The following COLQ variants were observed in gnomAD, a reference collection of about 807,000 sequenced individuals.
COLQ encodes acetylcholinesterase collagenic tail peptide.
COLQ carries 48 observed loss-of-function variants against 69.0 expected under a neutral mutation model. The observed-to-expected ratio is 0.70, with a 90% CI of 0.55 to 0.88. The LOEUF is 0.88. COLQ is among the 40% of genes least tolerant of loss of function. The pLI is 0.00. For synonymous variants in COLQ, 217 were observed against 211.2 expected (o/e 1.03, Z -0.24); for missense variants, 618 against 594.6 (o/e 1.04, Z -0.41).
Position 15,455,916 on chromosome 3 carries a change from A to G in COLQ, c.1178T>C (p.Val393Ala). The change falls in exon 15 of 17, where the codon GTG becomes GCG. Residue 393 changes from valine to alanine, a missense_variant. By Grantham distance (64) the Val-to-Ala change is moderately conservative. Transcript: ENST00000383788. ...GEECDDGNSD[V>A]GDDCIRCHRA... ...TCACTCACGGATGCAGTCGTCACCC[A>G]CATCGCTGTTACCGTCGTCACACTC... 1 of 1,614,078 alleles carries G rather than the reference A, an allele frequency of 6.2e-7. No homozygotes were observed. Among genetic ancestry groups the G allele is most frequent in the East Asian group, 2.2e-5 (1 of 44,868 alleles).
chr3:15,505,851 A>AT (rs2062903789), intron 1 of COLQ, among the ~76,000 whole-genome samples: 1 of 152,114 alleles, frequency 6.6e-6, no homozygotes, highest in Admixed American at 6.5e-5. Flanking sequence ...CCATGCCTTC[A>AT]TTTTTCCATG....
At chr3:15,503,488 C>T (rs1265785285) in intron 1 of COLQ, among the ~76,000 whole-genome samples, 1 of 152,160 alleles carries the variant, frequency 6.6e-6, no homozygotes, top group African/African-American at 2.4e-5. Context: ...CTGCCCCCAA[C>T]CAGGGACATG....
intron 12 of COLQ, among the ~76,000 whole-genome samples, chr3:15,459,267 T>A (rs774384293): frequency 3.3e-5 from 5 of 152,148 alleles, no homozygotes; most frequent in Admixed American, 6.5e-5. Flanking sequence ...AGTGAGGACA[T>A]GTCTTGAAAA....
intron 4 of COLQ, 115 bp from the exon 5 acceptor site, chr3:15,479,118 C>T: frequency 7.5e-7 from 1 of 1,340,332 alleles, no homozygotes; most frequent in African/African-American, 1.4e-5. Flanking sequence ...TGCTTGGCTG[C>T]TGCTCACGGC....
intron 10 of COLQ, among the ~76,000 whole-genome samples, chr3:15,472,678 TC>T (rs1425809149): frequency 1.3e-5 from 2 of 152,114 alleles, no homozygotes; most frequent in Non-Finnish European, 2.9e-5. Flanking sequence ...TCTCTGACAT[TC>T]CCCCTCAACT....
At chr3:15,454,948 G>A (rs899606496) in intron 15 of COLQ, among the ~76,000 whole-genome samples, 3 of 151,930 alleles carry the variant, frequency 2.0e-5, no homozygotes, top group Admixed American at 6.6e-5. Flanking sequence ...TTACAGGCAT[G>A]AGCCACTGTG....
chr3:15,507,501 C>A (rs1169523634), intron 1 of COLQ, among the ~76,000 whole-genome samples: 5 of 152,192 alleles, frequency 3.3e-5, no homozygotes, highest in African/African-American at 1.2e-4. Flanking sequence ...GTTGCCCAGG[C>A]TGGAGTACAG....
chr3:15,485,757 A>G (rs569175096), intron 3 of COLQ, among the ~76,000 whole-genome samples: 43 of 152,304 alleles, frequency 2.8e-4, no homozygotes, highest in South Asian at 1.0e-3. Flanking sequence ...CAGGAGTTTG[A>G]GACCAACCTG....
rs528787602 is a variant in COLQ at position 15,495,933 on chromosome 3, C to T, written c.107-6296G>A. Among the ~76,000 whole-genome samples the T allele has an allele frequency of 2.6e-5, 4 of 152,118 alleles. No individual in the cohort carries two copies. The South Asian group carries it at 8.3e-4, about 32-fold the overall frequency. ...TTTGCTTCTCTTTTGCCTCAGCACA[C>T]AGCTAAGGGCTGAGGCTGCAGTGTT... On this transcript the variant is annotated intron_variant, in intron 1 of 16. Transcript: ENST00000383788.
intron 1 of COLQ, among the ~76,000 whole-genome samples, chr3:15,520,258 T>C (rs1449864468): frequency 6.6e-6 from 1 of 152,260 alleles, no homozygotes; most frequent in African/African-American, 2.4e-5. Flanking sequence ...ACACCCACGG[T>C]GACACCACCA....
intron 1 of COLQ, among the ~76,000 whole-genome samples, chr3:15,507,912 T>C (rs747792459): frequency 8.5e-5 from 13 of 152,224 alleles, no homozygotes; most frequent in Non-Finnish European, 1.8e-4. Context: ...AACACTTTAT[T>C]ATATGGCTTG....
At chr3:15,507,973 C>T (rs1417124366) in intron 1 of COLQ, among the ~76,000 whole-genome samples, 2 of 151,956 alleles carry the variant, frequency 1.3e-5, no homozygotes, top group East Asian at 1.9e-4. Context: ...TTTTGCCACA[C>T]ATTATTTTTT....
intron 12 of COLQ, among the ~76,000 whole-genome samples, chr3:15,460,239 G>A (rs1179119491): frequency 6.6e-6 from 1 of 152,206 alleles, no homozygotes; most frequent in African/African-American, 2.4e-5. Flanking sequence ...CAAAGTAGGG[G>A]CATGGAAAGT....
At chr3:15,509,127 T>A (rs6769858) in intron 1 of COLQ, among the ~76,000 whole-genome samples, 62,468 of 152,086 alleles carry the variant, frequency 0.41, 13,839 homozygotes, top group East Asian at 0.62. Context: ...ATGGCCAGAA[T>A]ATTGGGCATC....
intron 3 of COLQ, 128 bp from the exon 4 acceptor site, chr3:15,479,510 A>T: frequency 1.1e-6 from 1 of 901,156 alleles, no homozygotes; most frequent in Non-Finnish European, 1.8e-6. Context: ...GGCTCCAGGG[A>T]CCCATGGAGG....
chr3:15,519,308 A>C (rs1020960048), intron 1 of COLQ, among the ~76,000 whole-genome samples: 7 of 152,136 alleles, frequency 4.6e-5, no homozygotes, highest in Non-Finnish European at 8.8e-5. Flanking sequence ...CCAGTCCCTG[A>C]CCTCCAGGCT....
chr3:15,489,079 T>C (rs1367267750), intron 2 of COLQ, among the ~76,000 whole-genome samples: 1 of 152,224 alleles, frequency 6.6e-6, no homozygotes, highest in Non-Finnish European at 1.5e-5. Context: ...CACACCTCAG[T>C]GTGGCTACGG....
intron 3 of COLQ, among the ~76,000 whole-genome samples, chr3:15,484,160 C>G (rs1257477145): frequency 6.6e-6 from 1 of 150,998 alleles, no homozygotes; most frequent in East Asian, 2.0e-4. Context: ...GGTCTTGACT[C>G]TATCCAATTT....
intron 6 of COLQ, 108 bp from the exon 7 acceptor site, chr3:15,475,595 T>G (rs1292067825): frequency 9.0e-7 from 1 of 1,115,908 alleles, no homozygotes; most frequent in Non-Finnish European, 1.3e-6. Flanking sequence ...AGGGCTGGCT[T>G]GTAAATCTGA....
Sources: allele counts gnomAD v4.1 joint callset (sites outside exome capture counted in the v4.1 genomes callset), GRCh38; gene constraint gnomAD v4.1.1; transcripts MANE v1.5; gene names NCBI Gene and HGNC (gene_info 2026-07-23, HGNC 2026-07-21).